Variants in IRAK3 observed in about 807,000 individuals in gnomAD.
The protein encoded by IRAK3 is interleukin-1 receptor-associated kinase 3.
A neutral mutation model predicts 56.6 loss-of-function variants in IRAK3; 57 were observed. The ratio of observed to expected loss-of-function variants is 1.01; its 90% CI spans 0.81 to 1.26. The LOEUF (loss-of-function observed/expected upper bound fraction) is 1.26. IRAK3 is among the 50% of genes most tolerant of loss of function. The pLI is 0.00. For synonymous variants in IRAK3, 258 were observed against 255.7 expected (o/e 1.01, Z -0.09); for missense variants, 703 against 719.0 (o/e 0.98, Z 0.25).
chr12:66,247,298 A>C (rs1197784998), intron 11 of IRAK3, among the ~76,000 whole-genome samples: 1 of 151,984 alleles, frequency 6.6e-6, no homozygotes, highest in Non-Finnish European at 1.5e-5. Flanking sequence ...CAAACAAACA[A>C]AACAAGAACA....
intron 8 of IRAK3, among the ~76,000 whole-genome samples, chr12:66,236,256 A>AT (rs1168142712): frequency 1.3e-5 from 2 of 152,012 alleles, no homozygotes; most frequent in Non-Finnish European, 2.9e-5. Flanking sequence ...ACCACCAGAA[A>AT]TCTGGGTTCA....
At chr12:66,234,463 A>C in intron 8 of IRAK3, 1 of 1,611,422 alleles carries the variant, frequency 6.2e-7, no homozygotes, top group African/African-American at 1.3e-5. Flanking sequence ...GGTTTGTAGC[A>C]ATACTGTATG....
At chr12:66,247,150 A>C (rs966213687) in intron 11 of IRAK3, among the ~76,000 whole-genome samples, 1 of 152,110 alleles carries the variant, frequency 6.6e-6, no homozygotes, top group Admixed American at 6.5e-5. Context: ...CGTGCCTGTA[A>C]TACCAGCTAC....
At chr12:66,210,729 A>G (rs763212226) in intron 4 of IRAK3, among the ~76,000 whole-genome samples, 13 of 152,164 alleles carry the variant, frequency 8.5e-5, no homozygotes, top group Non-Finnish European at 1.6e-4. Flanking sequence ...TTGCCACTAG[A>G]TCTGATGCTT....
intron 6 of IRAK3, among the ~76,000 whole-genome samples, chr12:66,223,311 A>C (rs551557210): frequency 9.9e-5 from 15 of 152,092 alleles, no homozygotes; most frequent in African/African-American, 3.6e-4. Context: ...AAGTTTATCA[A>C]TGTTTTCTTT....
chr12:66,199,391 C>T (rs1347406318), intron 1 of IRAK3, among the ~76,000 whole-genome samples: 1 of 152,186 alleles, frequency 6.6e-6, no homozygotes, highest in East Asian at 1.9e-4. Context: ...TCTGTTTTCA[C>T]TAAGAACTTT....
chr12:66,191,310 A>G (rs2052396896), intron 1 of IRAK3, among the ~76,000 whole-genome samples: 1 of 152,192 alleles, frequency 6.6e-6, no homozygotes, highest in Non-Finnish European at 1.5e-5. Context: ...TGGCCATTTG[A>G]GACAGGTTGC....
At chr12:66,232,977 C>G (rs1004651467) in intron 8 of IRAK3, among the ~76,000 whole-genome samples, 13 of 148,520 alleles carry the variant, frequency 8.8e-5, no homozygotes, top group Non-Finnish European at 1.6e-4. Context: ...AGACTTTATC[C>G]TAACCCTTTG....
At position 66,211,570 on chromosome 12, in the gene IRAK3, A is replaced by G. The variant is rs150851465; in HGVS notation, c.561A>G (p.Leu187=). Residue 187 remains leucine (L), a synonymous_variant, in exon 5 of 12, where the codon CTA becomes CTG. Coordinates refer to ENST00000261233, the MANE Select transcript of IRAK3 (RefSeq NM_007199.3). ...FEVYRVEIQN[L]TYAVKLFKQE... is the part of the protein sequence containing the mutation. The stretch of plus-strand genomic sequence containing the variant: ...TATACAGAGTGGAGATTCAAAACCT[A>G]ACATATGCTGTCAAATTATTTAAAC... 2.5e-6 allele frequency: 4 copies of G among 1,612,068 alleles called. No individual in the cohort carries two copies. The highest frequency in any genetic ancestry group is 3.4e-6 in the Non-Finnish European group (4 of 1,178,330).
intron 8 of IRAK3, among the ~76,000 whole-genome samples, chr12:66,242,142 C>T (rs566639125): frequency 6.6e-6 from 1 of 152,204 alleles, no homozygotes; most frequent in East Asian, 1.9e-4. Flanking sequence ...ACATTCCCAC[C>T]CTCCCCCTGT....
At chr12:66,242,832 G>A (rs1310292742) in intron 8 of IRAK3, among the ~76,000 whole-genome samples, 5 of 152,184 alleles carry the variant, frequency 3.3e-5, no homozygotes, top group African/African-American at 1.2e-4. Context: ...CCAGCACTTC[G>A]GGAGGCCGAG....
At chr12:66,233,240 CG>C (rs1176276282) in intron 8 of IRAK3, among the ~76,000 whole-genome samples, 1 of 152,080 alleles carries the variant, frequency 6.6e-6, no homozygotes, top group East Asian at 1.9e-4. Flanking sequence ...AAAGACAGGC[CG>C]GGCGCGGTGG....
chr12:66,230,299 TG>T (rs1416067432), intron 8 of IRAK3, among the ~76,000 whole-genome samples: 2 of 152,198 alleles, frequency 1.3e-5, no homozygotes, highest in African/African-American at 4.8e-5. Flanking sequence ...CAGATTTACC[TG>T]CAGGAGGTTT....
In IRAK3 at chr12:66,253,638, T is replaced by C. The variant is rs751173541; in HGVS notation, c.*5467T>C. On this transcript the variant is annotated 3_prime_UTR_variant, in exon 12 of 12. Coordinates refer to ENST00000261233, the MANE Select transcript of IRAK3 (RefSeq NM_007199.3). Reference sequence around the variant, plus strand: ...AATATTTACAGAGTTTTACATTGGCTCTTGAATTTTAAAATATTCTTATAG... The same window carrying C: ...AATATTTACAGAGTTTTACATTGGCCCTTGAATTTTAAAATATTCTTATAG... 6.6e-6 allele frequency: 1 copy of C among 152,236 alleles called. No homozygotes were observed. Among genetic ancestry groups the C allele is most frequent in the African/African-American group, 2.4e-5 (1 of 41,472 alleles). The allele number at this position is 152,236 out of a possible 1,614,324, so 9.4% of individuals were successfully genotyped here. A position where few individuals can be genotyped will look rare whatever the true frequency, so the allele number is the denominator to read the frequency against.
chr12:66,198,705 T>C (rs1363244071), intron 1 of IRAK3, among the ~76,000 whole-genome samples: 1 of 151,928 alleles, frequency 6.6e-6, no homozygotes. Flanking sequence ...ACAGGATGCC[T>C]AATACTATGT....
At position 66,228,357 on chromosome 12, in the gene IRAK3, G is replaced by A. The variant is rs756869397; in HGVS notation, c.874G>A (p.Gly292Ser). The A allele has an allele frequency of 3.1e-6, 5 of 1,612,012 alleles. No homozygotes were observed. In the Admixed American group the frequency reaches 6.7e-5, roughly 21 times the overall value. Residue 292 changes from glycine (G) to serine (S), a missense_variant, in exon 8 of 12, where the codon GGC (glycine) becomes AGC (serine). By Grantham distance (56) the Gly-to-Ser change is moderately conservative. Coordinates refer to ENST00000261233, the MANE Select transcript of IRAK3 (RefSeq NM_007199.3). ...HNVQPCSVIC[G>S]SISSANILLD... ...CGTTCAACCATGCTCGGTCATCTGT[G>A]GCAGTATATCAAGGTAAATTATTCC...
intron 8 of IRAK3, among the ~76,000 whole-genome samples, chr12:66,232,232 T>C (rs2052851710): frequency 6.6e-6 from 1 of 152,188 alleles, no homozygotes; most frequent in Admixed American, 6.5e-5. Flanking sequence ...AGGACTTCAA[T>C]GTAACCCATC....
chr12:66,227,076 T>A (rs1398940808), intron 7 of IRAK3, among the ~76,000 whole-genome samples: 1 of 152,198 alleles, frequency 6.6e-6, no homozygotes, highest in Non-Finnish European at 1.5e-5. Context: ...TTCTTACTCA[T>A]TATATGGTAA....
chr12:66,223,773 A>T (rs192886823), intron 6 of IRAK3, among the ~76,000 whole-genome samples: 1 of 146,938 alleles, frequency 6.8e-6, no homozygotes, highest in East Asian at 2.1e-4. Context: ...GGGTGCAGTG[A>T]TGTCATCTCA....
Sources: allele counts gnomAD v4.1 joint callset (sites outside exome capture counted in the v4.1 genomes callset), GRCh38; gene constraint gnomAD v4.1.1; transcripts MANE v1.5; gene names NCBI Gene and HGNC (gene_info 2026-07-23, HGNC 2026-07-21).